Variants in DSCAML1 observed in about 807,000 individuals in gnomAD.
DSCAML1 encodes cell adhesion molecule DSCAML1.
Under a neutral mutation model 200.5 loss-of-function variants are expected in DSCAML1, and 38 were observed. The ratio of observed to expected loss-of-function variants is 0.19; its 90% CI spans 0.15 to 0.25. DSCAML1 has a LOEUF of 0.25. Among genes scored for constraint, DSCAML1 ranks in the 10% least tolerant of loss-of-function variants. The probability of loss-of-function intolerance (pLI) is 1.00; values close to 1 mark genes in which losing one functional copy is unlikely to be tolerated. For missense variants in DSCAML1, 2,223 were observed against 2,858.8 expected, an observed-to-expected ratio of 0.78 and a Z score of 5.07; for synonymous variants, 1,215 against 1,165.0, an observed-to-expected ratio of 1.04 and a Z score of -0.87.
At chr11:117,807,719 T>C (rs923051768) in intron 1 of DSCAML1, among the ~76,000 whole-genome samples, 1 of 152,182 alleles carries the variant, frequency 6.6e-6, no homozygotes, top group Non-Finnish European at 1.5e-5. Flanking sequence ...TGGGGGCTCC[T>C]CCATGGAGAT....
chr11:117,532,654 C>A, intron 3 of DSCAML1, 132 bp from the exon 4 acceptor site: 1 of 945,658 alleles, frequency 1.1e-6, no homozygotes, highest in South Asian at 1.7e-5. Context: ...GTAATTGTTC[C>A]TTTCAGTGTA....
At chr11:117,462,416 C>T (rs2048498703) in intron 17 of DSCAML1, among the ~76,000 whole-genome samples, 1 of 152,206 alleles carries the variant, frequency 6.6e-6, no homozygotes, top group African/African-American at 2.4e-5. Context: ...TCCACCTCAG[C>T]TCGGGGGAGC....
In DSCAML1 at chr11:117,769,297, T is replaced by A. The variant is rs1246332455; in HGVS notation, c.511+7494A>T. On this transcript the variant is annotated intron_variant, in intron 3 of 32. Transcript: ENST00000651296. Reference sequence around the variant, plus strand: ...TTATATATTATATATTTTATATATTTATATATATTTTTATATAATATATAT... The same window carrying A: ...TTATATATTATATATTTTATATATTAATATATATTTTTATATAATATATAT... Among the ~76,000 whole-genome samples the A allele has an allele frequency of 1.4e-3, 40 of 27,796 alleles. 8 individuals carry two copies. Among genetic ancestry groups the A allele is most frequent in the African/African-American group, 3.6e-3 (37 of 10,338 alleles). 18.2% of individuals were successfully genotyped at this position (27,796 alleles called of 152,430 possible).
At chr11:117,453,579 C>T (rs1041782568) in intron 19 of DSCAML1, among the ~76,000 whole-genome samples, 1 of 151,866 alleles carries the variant, frequency 6.6e-6, no homozygotes, top group Admixed American at 6.6e-5. Flanking sequence ...CATCATTGTC[C>T]TTTTTTCTGG....
At chr11:117,638,374 G>T (rs187862563) in intron 3 of DSCAML1, among the ~76,000 whole-genome samples, 2 of 144,540 alleles carry the variant, frequency 1.4e-5, no homozygotes, top group Admixed American at 7.0e-5. Context: ...GTTTGCAACC[G>T]CTCTGTTGAG....
At chr11:117,474,214 C>G (rs758509608) in intron 14 of DSCAML1, among the ~76,000 whole-genome samples, 7 of 152,130 alleles carry the variant, frequency 4.6e-5, no homozygotes, top group Non-Finnish European at 8.8e-5. Context: ...TTCGCGGCAC[C>G]AAACCCAATT....
intron 1 of DSCAML1, among the ~76,000 whole-genome samples, chr11:117,812,387 C>G (rs1328791359): frequency 6.6e-6 from 1 of 152,146 alleles, no homozygotes; most frequent in African/African-American, 2.4e-5. Context: ...CCAGACAAGC[C>G]TTACAAGTTA....
intron 3 of DSCAML1, among the ~76,000 whole-genome samples, chr11:117,561,473 A>C (rs1392129423): frequency 6.6e-6 from 1 of 152,170 alleles, no homozygotes; most frequent in African/African-American, 2.4e-5. Context: ...AAATCTGCAC[A>C]TGCTACAGTT....
At chr11:117,517,952 G>C (rs998629103) in intron 7 of DSCAML1, among the ~76,000 whole-genome samples, 3 of 152,204 alleles carry the variant, frequency 2.0e-5, no homozygotes, top group Non-Finnish European at 2.9e-5. Context: ...GGGAGAAGAT[G>C]GTGCCCTGGC....
At chr11:117,549,360 G>C (rs1398056777) in intron 3 of DSCAML1, among the ~76,000 whole-genome samples, 1 of 152,190 alleles carries the variant, frequency 6.6e-6, no homozygotes, top group South Asian at 2.1e-4. Flanking sequence ...CTTCGAGATG[G>C]TGCTCAAAAA....
intron 11 of DSCAML1, among the ~76,000 whole-genome samples, chr11:117,501,670 G>A (rs1477914760): frequency 1.3e-5 from 2 of 152,176 alleles, no homozygotes; most frequent in African/African-American, 2.4e-5. Context: ...GGGAGTGTGT[G>A]TGTGGCAAGG....
intron 1 of DSCAML1, among the ~76,000 whole-genome samples, chr11:117,792,368 C>A (rs2055484547): frequency 6.6e-6 from 1 of 152,126 alleles, no homozygotes; most frequent in Non-Finnish European, 1.5e-5. Flanking sequence ...CTGCAGCATC[C>A]CAGCTGGCTC....
chr11:117,485,909 C>T (rs2049038240), intron 11 of DSCAML1, among the ~76,000 whole-genome samples: 1 of 152,168 alleles, frequency 6.6e-6, no homozygotes. Context: ...GCCAATGGTT[C>T]CTTGTGTCAT....
chr11:117,613,465 A>T (rs910225508), intron 3 of DSCAML1, among the ~76,000 whole-genome samples: 3 of 152,184 alleles, frequency 2.0e-5, no homozygotes, highest in African/African-American at 7.2e-5. Context: ...TGCTCAAAAA[A>T]CAATACACTT....
chr11:117,451,682 G>A (rs1407468518), intron 19 of DSCAML1, among the ~76,000 whole-genome samples: 1 of 152,118 alleles, frequency 6.6e-6, no homozygotes, highest in East Asian at 1.9e-4. Context: ...AGGCATGGTG[G>A]TGTGTGCTTG....
chr11:117,722,003 A>G (rs1202662177), intron 3 of DSCAML1, among the ~76,000 whole-genome samples: 1 of 151,962 alleles, frequency 6.6e-6, no homozygotes, highest in Non-Finnish European at 1.5e-5. Context: ...TGAAAAGGCC[A>G]CTGTTTTTGG....
intron 3 of DSCAML1, among the ~76,000 whole-genome samples, chr11:117,660,258 G>A (rs1028179198): frequency 6.6e-6 from 1 of 152,164 alleles, no homozygotes; most frequent in African/African-American, 2.4e-5. Flanking sequence ...CCAAAGGCCC[G>A]CCCCTTCCCA....
chr11:117,712,638 G>T (rs573423836), intron 3 of DSCAML1, among the ~76,000 whole-genome samples: 1 of 152,032 alleles, frequency 6.6e-6, no homozygotes, highest in Non-Finnish European at 1.5e-5. Flanking sequence ...GCACGCGCAC[G>T]CCGACAGCAT....
In DSCAML1 at chr11:117,666,675, C is replaced by A. The variant is rs75284303; in HGVS notation, c.511+110116G>T. Among the ~76,000 whole-genome samples the A allele has an allele frequency of 2.6e-3, 399 of 152,286 alleles. 9 individuals carry two copies. The East Asian group carries it at 0.06, about 23-fold the overall frequency. On this transcript the variant is annotated intron_variant, in intron 3 of 32. Coordinates refer to ENST00000651296, the MANE Select transcript of DSCAML1 (RefSeq NM_020693.4). Reference sequence around the variant, plus strand: ...GAGGCCTGAGCTACGGGCAAAAGACCCCTCTGAAGGGCTGGCCCCGGCAGG... The same window carrying A: ...GAGGCCTGAGCTACGGGCAAAAGACACCTCTGAAGGGCTGGCCCCGGCAGG...
Sources: gnomAD v4.1 joint callset for allele counts (sites outside exome capture counted in the v4.1 genomes callset) on GRCh38, gnomAD v4.1.1 for gene constraint, MANE v1.5 for transcripts, NCBI Gene and HGNC (gene_info 2026-07-23, HGNC 2026-07-21) for gene names.